Variants in TMC2 observed in about 807,000 individuals in gnomAD.
TMC2 encodes the protein transmembrane channel like 2.
Under a neutral mutation model 105.9 loss-of-function variants are expected in TMC2, and 102 were observed. The ratio of observed to expected loss-of-function variants is 0.96; its 90% CI spans 0.82 to 1.14. The LOEUF (loss-of-function observed/expected upper bound fraction) is 1.14. TMC2 is among the 50% of genes most tolerant of loss of function. TMC2 has a pLI of 0.00. For synonymous variants in TMC2, 402 were observed against 422.8 expected, an observed-to-expected ratio of 0.95 and a Z score of 0.60; for missense variants, 1,093 against 1,134.3, an observed-to-expected ratio of 0.96 and a Z score of 0.52.
At chr20:2,594,713 C>A in intron 8 of TMC2, 112 bp from the exon 9 acceptor site, 2 of 1,167,856 alleles carry the variant, frequency 1.7e-6, no homozygotes, top group South Asian at 1.5e-5. Flanking sequence ...TTCCTTCGGC[C>A]CTTAGATTCG....
intron 5 of TMC2, among the ~76,000 whole-genome samples, chr20:2,577,197 C>T (rs1305240091): frequency 6.6e-6 from 1 of 151,836 alleles, no homozygotes; most frequent in East Asian, 1.9e-4. Context: ...CGTGAGCAAC[C>T]GTCCCCAGCC....
chr20:2,613,443 C>T (rs775002123), intron 14 of TMC2, 121 bp downstream of exon 14: 10 of 1,399,330 alleles, frequency 7.1e-6, no homozygotes, highest in Non-Finnish European at 1.0e-5. Context: ...GGTCTCTGCT[C>T]TGTAGAGTAG....
intron 11 of TMC2, among the ~76,000 whole-genome samples, chr20:2,604,640 G>T (rs1036172043): frequency 6.6e-6 from 1 of 152,070 alleles, no homozygotes; most frequent in Non-Finnish European, 1.5e-5. Context: ...CTCTGCATCT[G>T]GGCTGGCTGC....
At chr20:2,641,046 C>A in intron 19 of TMC2, 88 bp from the exon 20 acceptor site, 3 of 1,149,196 alleles carry the variant, frequency 2.6e-6, no homozygotes, top group East Asian at 4.7e-5. Flanking sequence ...CTAAAACCTA[C>A]ACACACCGCA....
chr20:2,634,891 C>T (rs2086630376), intron 17 of TMC2, among the ~76,000 whole-genome samples: 1 of 152,090 alleles, frequency 6.6e-6, no homozygotes, highest in African/African-American at 2.4e-5. Flanking sequence ...CAGCCTCTGA[C>T]CTACACTCTG....
At chr20:2,541,561 A>C (rs2085889868) in intron 2 of TMC2, among the ~76,000 whole-genome samples, 1 of 151,942 alleles carries the variant, frequency 6.6e-6, no homozygotes, top group Non-Finnish European at 1.5e-5. Flanking sequence ...GAATCTCTTG[A>C]ATCTGGGAGG....
At chr20:2,544,000 C>T (rs1316973453) in intron 2 of TMC2, among the ~76,000 whole-genome samples, 1 of 150,376 alleles carries the variant, frequency 6.6e-6, no homozygotes, top group African/African-American at 2.5e-5. Flanking sequence ...CTCCTGGGTT[C>T]AAGCGATTCT....
At chr20:2,638,517 C>G (rs2086665801) in intron 19 of TMC2, among the ~76,000 whole-genome samples, 1 of 151,984 alleles carries the variant, frequency 6.6e-6, no homozygotes, top group Admixed American at 6.5e-5. Flanking sequence ...AACTGTAAAA[C>G]AGCCTCAGGC....
intron 18 of TMC2, 24 bp from the exon 19 acceptor site, chr20:2,637,450 C>A: frequency 6.5e-7 from 1 of 1,536,076 alleles, no homozygotes; most frequent in Non-Finnish European, 9.0e-7. Context: ...TGGGCCAGGA[C>A]CAACAGTTCA....
In TMC2 at chr20:2,592,176, T is replaced by G. The variant is rs7269262; in HGVS notation, c.835-134T>G. 51,198 of 551,966 alleles carry G rather than the reference T, an allele frequency of 0.093. 3,634 individuals carry two copies. The highest frequency in any genetic ancestry group is 0.29 in the East Asian group (9,540 of 32,850). 34.2% of individuals were successfully genotyped at this position (551,966 alleles called of 1,614,324 possible). A position where few individuals can be genotyped will look rare whatever the true frequency, so the allele number is the denominator to read the frequency against. ...TCAAAAAATAAAAAATGAATTAAAT[T>G]AATAAATACATAAAGAAAGAAGAAA... On this transcript the variant is annotated intron_variant, in intron 7 of 19. Transcript: ENST00000358864. The surrounding 1 kb of genome is among the most constrained non-coding windows in gnomAD (Gnocchi z 4.9).
At chr20:2,572,898 G>T (rs77371670) in intron 5 of TMC2, among the ~76,000 whole-genome samples, 20 of 151,828 alleles carry the variant, frequency 1.3e-4, no homozygotes, top group African/African-American at 4.6e-4. Context: ...GTAGTTCTAG[G>T]TTCCCCTTTT....
chr20:2,552,315 T>A (rs1012935864), intron 2 of TMC2, among the ~76,000 whole-genome samples: 3 of 152,194 alleles, frequency 2.0e-5, no homozygotes, highest in Non-Finnish European at 4.4e-5. Flanking sequence ...AATAATTTGC[T>A]GGGATTTTGA....
rs368682090 is a variant in TMC2 at position 2,641,565 on chromosome 20, T to C, written c.*214T>C. On this transcript the variant is annotated 3_prime_UTR_variant, in exon 20 of 20. Coordinates refer to ENST00000358864, the MANE Select transcript of TMC2 (RefSeq NM_080751.3). ...CTGTCCTTTAGGGAAGCTGGAGCCA[T>C]CTCTGCACTAACTGCCCTCCCAAAT... 7.4e-5 allele frequency: 41 copies of C among 557,048 alleles called. No homozygotes were observed. Among genetic ancestry groups the C allele is most frequent in the African/African-American group, 6.2e-4 (33 of 53,322 alleles). 34.5% of individuals were successfully genotyped at this position (557,048 alleles called of 1,614,324 possible).
rs551398644 is a variant in TMC2 at position 2,561,936 on chromosome 20, G to A, written c.480G>A (p.Val160=). 3.1e-6 allele frequency: 5 copies of A among 1,614,222 alleles called. No homozygotes were observed. In the African/African-American group the frequency reaches 6.7e-5, roughly 22 times the overall value. Residue 160 remains valine, a synonymous_variant, in exon 4 of 20, where the codon GTG becomes GTA. Transcript: ENST00000358864. ...EEELAQILEQ[V]EEKKKLIATM... The stretch of plus-strand genomic sequence containing the variant: ...AACTGGCCCAGATCCTGGAGCAGGT[G>A]GAAGAAAAAAAGAAGCTCATTGCCA...
intron 7 of TMC2, among the ~76,000 whole-genome samples, chr20:2,590,647 T>A (rs1417289110): frequency 1.3e-5 from 2 of 152,116 alleles, no homozygotes; most frequent in Non-Finnish European, 2.9e-5. Flanking sequence ...CAATATTAAT[T>A]TCTGCCACCT....
At chr20:2,580,263 T>C (rs556524441) in intron 7 of TMC2, among the ~76,000 whole-genome samples, 1 of 152,326 alleles carries the variant, frequency 6.6e-6, no homozygotes, top group Admixed American at 6.5e-5. Flanking sequence ...CCATGAAAAG[T>C]AAATTTATAA....
intron 7 of TMC2, among the ~76,000 whole-genome samples, chr20:2,588,135 G>A (rs1433690665): frequency 6.6e-6 from 1 of 151,980 alleles, no homozygotes; most frequent in African/African-American, 2.4e-5. Context: ...GCTGGTTGCA[G>A]AAGAAGTCAC....
intron 19 of TMC2, 57 bp from the exon 20 acceptor site, chr20:2,641,077 A>G (rs1232904325): frequency 6.6e-7 from 1 of 1,517,074 alleles, no homozygotes; most frequent in East Asian, 2.3e-5. Flanking sequence ...AGAGAGCTCC[A>G]ATCCAACCTG....
At chr20:2,546,102 T>A (rs1040590832) in intron 2 of TMC2, among the ~76,000 whole-genome samples, 1 of 152,180 alleles carries the variant, frequency 6.6e-6, no homozygotes, top group Non-Finnish European at 1.5e-5. Flanking sequence ...AGTAGTGTTT[T>A]ATGGAGGCAG....
Sources: gnomAD v4.1 joint callset for allele counts (sites outside exome capture counted in the v4.1 genomes callset) on GRCh38, gnomAD v4.1.1 for gene constraint, Gnocchi (gnomAD v3.1) non-coding constraint, MANE v1.5 for transcripts, NCBI Gene and HGNC (gene_info 2026-07-23, HGNC 2026-07-21) for gene names.